The following MINDY2 variants were observed in gnomAD, a reference collection of about 807,000 sequenced individuals.
MINDY2 encodes MINDY lysine 48 deubiquitinase 2, also known as ubiquitin carboxyl-terminal hydrolase MINDY-2.
MINDY2 carries 52 observed loss-of-function variants against 68.2 expected under a neutral mutation model. The ratio of observed to expected loss-of-function variants is 0.76; its 90% confidence interval spans 0.61 to 0.96. MINDY2 has a LOEUF of 0.96. Ranked by LOEUF, MINDY2 falls within the 40% of genes least tolerant of loss-of-function variation. The pLI is 0.00. For synonymous variants in MINDY2, 372 were observed against 303.0 expected, an observed-to-expected ratio of 1.23 and a Z score of -2.36; for missense variants, 881 against 773.4, an observed-to-expected ratio of 1.14 and a Z score of -1.65.
chr15:58,810,948 A>G (rs2030197709), intron 4 of MINDY2, among the ~76,000 whole-genome samples: 1 of 152,112 alleles, frequency 6.6e-6, no homozygotes, highest in Admixed American at 6.6e-5. Flanking sequence ...TTTTTTATTG[A>G]GATTTCATTA....
chr15:58,792,625 T>A (rs1902024048), intron 2 of MINDY2, among the ~76,000 whole-genome samples: 1 of 151,312 alleles, frequency 6.6e-6, no homozygotes, highest in Admixed American at 6.6e-5. Context: ...AAAAGAAAAA[T>A]GTTCAAAGCA....
chr15:58,852,308 T>C (rs74988264), intron 8 of MINDY2, among the ~76,000 whole-genome samples: 1 of 41,676 alleles, frequency 2.4e-5, no homozygotes. Context: ...AAAAAAAAGA[T>C]GATCACTTTA....
intron 1 of MINDY2, among the ~76,000 whole-genome samples, chr15:58,773,615 A>C (rs1409004396): frequency 6.6e-6 from 1 of 152,222 alleles, no homozygotes; most frequent in East Asian, 1.9e-4. Flanking sequence ...TTTGATATTC[A>C]AAAAGGGGAC....
At position 58,776,515 on chromosome 15, in the gene MINDY2, G is replaced by A. The variant is rs1408263392; in HGVS notation, c.840+4280G>A. Reference sequence around the variant, plus strand: ...CAGGGAAAGAGAATGTAATAAAAATGTAGTACATTACTATTGTCAAATGCA... The same window carrying A: ...CAGGGAAAGAGAATGTAATAAAAATATAGTACATTACTATTGTCAAATGCA... On this transcript the variant is annotated intron_variant, in intron 1 of 8. Transcript: ENST00000559228. Among the ~76,000 whole-genome samples the A allele has an allele frequency of 3.3e-5, 5 of 152,316 alleles. No homozygotes were observed. The East Asian group carries it at 7.7e-4, about 23-fold the overall frequency.
chr15:58,793,985 G>A (rs529904649), intron 2 of MINDY2, among the ~76,000 whole-genome samples: 112 of 152,242 alleles, frequency 7.4e-4, no homozygotes, highest in Admixed American at 1.4e-3. Context: ...TCAGCTGCAC[G>A]AGTCCAGGCC....
Position 58,771,987 on chromosome 15 carries a change from G to A in MINDY2, c.592G>A (p.Glu198Lys). The change falls in exon 1 of 9, where the codon GAG becomes AAG. Residue 198 changes from glutamate (E) to lysine (K), a missense_variant. Transcript: ENST00000559228. Reference sequence around the variant, plus strand: ...CGAGTTCAATAGTGAGGAGGGAGCGGAGAACAGGGTCCCTGAGGAGGAGGA... The same window carrying A: ...CGAGTTCAATAGTGAGGAGGGAGCGAAGAACAGGGTCCCTGAGGAGGAGGA... The part of the protein sequence containing the change: ...SCEFNSEEGA[E>K]NRVPEEEEGA... The A allele has an allele frequency of 6.3e-7, 1 of 1,584,290 alleles. No homozygotes were observed. Among genetic ancestry groups the A allele is most frequent in the East Asian group, 2.2e-5 (1 of 44,724 alleles).
chr15:58,795,163 G>A (rs1298049647), intron 2 of MINDY2, among the ~76,000 whole-genome samples: 2 of 150,486 alleles, frequency 1.3e-5, no homozygotes, highest in Non-Finnish European at 2.9e-5. Flanking sequence ...GCACCAGAGC[G>A]AGACTCGTCT....
rs377415094 is a variant in MINDY2, at chr15:58,814,394, GT to G, written c.1122+4016del. Among the ~76,000 whole-genome samples, 316 of 143,024 alleles carry G rather than the reference GT, an allele frequency of 2.2e-3. 2 individuals are homozygous for G. Among genetic ancestry groups the G allele is most frequent in the African/African-American group, 7.5e-3 (292 of 39,074 alleles). 93.8% of individuals were successfully genotyped at this position (143,024 alleles called of 152,430 possible). A position where few individuals can be genotyped will look rare whatever the true frequency, so the allele number is the denominator to read the frequency against. On this transcript the variant is annotated intron_variant, in intron 4 of 8. Coordinates refer to ENST00000559228, the MANE Select transcript of MINDY2 (RefSeq NM_001040450.3). ...ACAGTTGAGTTTTGTTTTTGGTTTT[GT>G]TTTTTTTTTGACACAGGGTCTTACT...
intron 8 of MINDY2, among the ~76,000 whole-genome samples, chr15:58,852,287 C>CACAAAAAAA (rs1769587750): frequency 1.6e-5 from 1 of 61,932 alleles, no homozygotes; most frequent in Non-Finnish European, 2.8e-5. Flanking sequence ...GACTCCTTCT[C>CACAAAAAAA]AAAAAAAAAA....
At chr15:58,806,129 A>G (rs1258379283) in intron 3 of MINDY2, among the ~76,000 whole-genome samples, 4 of 151,860 alleles carry the variant, frequency 2.6e-5, no homozygotes, top group African/African-American at 9.7e-5. Flanking sequence ...GCTGGAGTGT[A>G]GTGGCATGAT....
Position 58,838,675 on chromosome 15 carries a change from C to G in MINDY2, c.1368+6759C>G, listed in dbSNP as rs1404345793. ...AATCTCAGCTCACCACAACCTCCACCTCTCAGGTTCAAGCGATTGTCCTGC... is the reference window on the plus strand; with the variant it reads ...AATCTCAGCTCACCACAACCTCCACGTCTCAGGTTCAAGCGATTGTCCTGC... On this transcript the variant is annotated intron_variant, in intron 6 of 8. Coordinates refer to ENST00000559228, the MANE Select transcript of MINDY2 (RefSeq NM_001040450.3). Among the ~76,000 whole-genome samples, 7 of 148,124 alleles carry G rather than the reference C, an allele frequency of 4.7e-5. No homozygotes were observed. In the Admixed American group the frequency reaches 4.8e-4, roughly 10 times the overall value.
intron 2 of MINDY2, among the ~76,000 whole-genome samples, chr15:58,799,575 TC>T (rs1381090424): frequency 2.1e-5 from 2 of 95,148 alleles, no homozygotes; most frequent in East Asian, 1.6e-3. Flanking sequence ...CGAGACTCCA[TC>T]TCAAAAAAAA....
chr15:58,815,667 T>A (rs1216775709), intron 4 of MINDY2: 1 of 151,794 alleles, frequency 6.6e-6, no homozygotes, highest in Non-Finnish European at 1.5e-5. Context: ...AGGATATTAT[T>A]TCCTTCTTTT....
At chr15:58,807,683 A>G (rs1236641094) in intron 3 of MINDY2, among the ~76,000 whole-genome samples, 1 of 152,080 alleles carries the variant, frequency 6.6e-6, no homozygotes, top group Non-Finnish European at 1.5e-5. Context: ...TTTATTCCAG[A>G]TGTATATGAC....
chr15:58,780,850 T>C (rs776807370), intron 1 of MINDY2, among the ~76,000 whole-genome samples: 72 of 152,334 alleles, frequency 4.7e-4, no homozygotes, highest in Non-Finnish European at 9.0e-4. Flanking sequence ...ACTACCCTAG[T>C]TCAGGCCTTT....
At chr15:58,796,131 T>C (rs909091258) in intron 2 of MINDY2, 2 of 455,730 alleles carry the variant, frequency 4.4e-6, no homozygotes, top group African/African-American at 4.0e-5. Flanking sequence ...CAGAAAACTT[T>C]TGAGAAGTTT....
chr15:58,816,561 A>G (rs990658036), intron 4 of MINDY2, among the ~76,000 whole-genome samples: 4 of 152,118 alleles, frequency 2.6e-5, no homozygotes, highest in Non-Finnish European at 5.9e-5. Flanking sequence ...GTGCATCAGC[A>G]TGCCCAGCTC....
intron 2 of MINDY2, among the ~76,000 whole-genome samples, chr15:58,800,140 AT>A (rs1367769107): frequency 6.6e-6 from 1 of 152,226 alleles, no homozygotes; most frequent in Non-Finnish European, 1.5e-5. Flanking sequence ...AAGCTAACTT[AT>A]GCCAAGCCCT....
Position 58,851,819 on chromosome 15 carries a change from A to G in MINDY2, c.1591A>G (p.Ile531Val). The change falls in exon 8 of 9, where the codon ATC becomes GTC. Residue 531 changes from isoleucine to valine, a missense_variant. Transcript: ENST00000559228. ...ACAACAAGAACAGCAGAGCCAAGAG[A>G]TCAATTGGGAACAAATCCCGGAAGG... ...SLQQEQQSQEINWEQIPEGIS... is the reference protein window; with the variant it reads ...SLQQEQQSQEVNWEQIPEGIS... The G allele has an allele frequency of 1.2e-6, 2 of 1,610,134 alleles. No homozygotes were observed. Among genetic ancestry groups the G allele is most frequent in the South Asian group, 2.2e-5 (2 of 90,324 alleles).
Sources: gnomAD v4.1 joint callset for allele counts (sites outside exome capture counted in the v4.1 genomes callset) on GRCh38, gnomAD v4.1.1 for gene constraint, MANE v1.5 for transcripts, NCBI Gene and HGNC (gene_info 2026-07-23, HGNC 2026-07-21) for gene names.